MPRIP: variants seen among roughly 807,000 people sequenced by gnomAD.
The protein encoded by MPRIP is myosin phosphatase Rho-interacting protein.
Under a neutral mutation model 234.9 loss-of-function variants are expected in MPRIP, and 59 were observed. The observed-to-expected ratio is 0.25, with a 90% CI of 0.20 to 0.31. The LOEUF is 0.31. Ranked by LOEUF, MPRIP falls within the 10% of genes least tolerant of loss-of-function variation. MPRIP has a pLI of 1.00. For synonymous variants in MPRIP, 1,144 were observed against 1,263.9 expected, an observed-to-expected ratio of 0.91 and a Z score of 2.01; for missense variants, 2,436 against 3,071.0, an observed-to-expected ratio of 0.79 and a Z score of 4.89.
intron 12 of MPRIP, among the ~76,000 whole-genome samples, chr17:17,152,368 C>T (rs886630013): frequency 6.6e-6 from 1 of 152,256 alleles, no homozygotes; most frequent in African/African-American, 2.4e-5. Flanking sequence ...TGAGAACTCA[C>T]CCCGCTCTCC....
chr17:17,073,791 C>T (rs2089260499), intron 1 of MPRIP, among the ~76,000 whole-genome samples: 1 of 152,206 alleles, frequency 6.6e-6, no homozygotes. Context: ...TCGTAGAGAG[C>T]ACAGACCTCT....
chr17:17,084,649 C>G (rs1288722611), intron 3 of MPRIP, among the ~76,000 whole-genome samples: 1 of 152,226 alleles, frequency 6.6e-6, no homozygotes, highest in African/African-American at 2.4e-5. Flanking sequence ...CCACCAGCAC[C>G]TGCTGCCTCG....
intron 1 of MPRIP, chr17:17,057,619 C>G: frequency 1.4e-6 from 1 of 718,098 alleles, no homozygotes. Context: ...AGTTTTCAAC[C>G]TTTATTTCTT....
At chr17:17,055,219 G>A (rs2088657596) in intron 1 of MPRIP, among the ~76,000 whole-genome samples, 1 of 152,128 alleles carries the variant, frequency 6.6e-6, no homozygotes, top group Non-Finnish European at 1.5e-5. Flanking sequence ...GAATTTCTTT[G>A]ATGGGTGTAT....
At chr17:17,061,125 C>G (rs1189545118) in intron 1 of MPRIP, among the ~76,000 whole-genome samples, 3 of 152,212 alleles carry the variant, frequency 2.0e-5, no homozygotes, top group Non-Finnish European at 4.4e-5. Context: ...TCCCCAAGTG[C>G]TGAGATTCAG....
Position 17,167,743 on chromosome 17 carries a change from C to T in MPRIP, c.6152C>T (p.Pro2051Leu). 1 of 1,304,238 alleles carries T rather than the reference C, an allele frequency of 7.7e-7. No individual in the cohort carries two copies. The highest frequency in any genetic ancestry group is 2.2e-4 in the Middle Eastern group (1 of 4,648). The allele number at this position is 1,304,238 out of a possible 1,614,324, so 80.8% of individuals were successfully genotyped here. Residue 2051 changes from proline to leucine, a missense_variant, in exon 16 of 24, where the codon CCC becomes CTC. Pro to Leu is a moderately conservative substitution (Grantham distance 98). This residue lies in a region of MPRIP where 1,998 missense variants were observed against 2,520.3 expected (regional missense o/e 0.79). Coordinates refer to ENST00000651222, the MANE Select transcript of MPRIP (RefSeq NM_001364716.4). This position sits in a 1 kb window ranked among gnomAD's most constrained non-coding sequence, Gnocchi z 5.9. ...CCCAAGGCCCTGCCAGCCCCTGCCC[C>T]CAACTGGCAGGCCACCCAGGGAGAG... Reference protein sequence around the residue: ...PHPKALPAPAPNWQATQGEAD... With the variant: ...PHPKALPAPALNWQATQGEAD...
intron 3 of MPRIP, among the ~76,000 whole-genome samples, chr17:17,117,527 C>G (rs1024444442): frequency 1.3e-5 from 2 of 152,236 alleles, no homozygotes; most frequent in Non-Finnish European, 2.9e-5. Flanking sequence ...CATGTTGGAG[C>G]ATGTGTCAGG....
chr17:17,167,420 C>T lies in MPRIP; in HGVS notation c.5829C>T (p.Thr1943=). 2 of 1,304,196 alleles carry T rather than the reference C, an allele frequency of 1.5e-6. No individual in the cohort carries two copies. Among genetic ancestry groups the T allele is most frequent in the Non-Finnish European group, 2.0e-6 (2 of 988,950 alleles). The allele number at this position is 1,304,196 out of a possible 1,614,324, so 80.8% of individuals were successfully genotyped here. ...GCAAGCACAGCATGAGCATGTTCAC[C>T]CTGCGGGGCAGGTATGAGGAGGAGA... ...AESKHSMSMF[T]LRGRYEEEIR... The change falls in exon 16 of 24, where the codon ACC becomes ACT. Residue 1943 remains threonine, a synonymous_variant. Transcript: ENST00000651222. The surrounding 1 kb of genome is among the most constrained non-coding windows in gnomAD (Gnocchi z 5.9).
rs188803183 is a variant in MPRIP at position 17,103,552 on chromosome 17, T to C, written c.268-23150T>C. 1.4e-4 allele frequency among the ~76,000 whole-genome samples: 21 copies of C among 152,342 alleles called. No homozygotes were observed. In the East Asian group the frequency reaches 4.0e-3, roughly 29 times the overall value. On this transcript the variant is annotated intron_variant, in intron 3 of 23. Transcript: ENST00000651222. ...GCCCTGACCAAAGCAGATTTGTTTT[T>C]GCAGGAGACGGAGGCTTTTGCTGTT...
At chr17:17,118,769 G>T (rs553494282) in intron 3 of MPRIP, among the ~76,000 whole-genome samples, 3 of 152,172 alleles carry the variant, frequency 2.0e-5, no homozygotes, top group Non-Finnish European at 4.4e-5. Context: ...ATGGGATCAT[G>T]ACCCCTTTTC....
In MPRIP at chr17:17,138,602, C is replaced by T. The variant is rs965857360; in HGVS notation, c.1250+173C>T. On this transcript the variant is annotated intron_variant, in intron 7 of 23. Coordinates refer to ENST00000651222, the MANE Select transcript of MPRIP (RefSeq NM_001364716.4). This position sits in a 1 kb window ranked among gnomAD's most constrained non-coding sequence, Gnocchi z 5.8. ...TTTTCCCTCTGGGCCCAGAACTCAG[C>T]TCTAGTAGCCAGAATGCAGAATTTC... Among the ~76,000 whole-genome samples the T allele has an allele frequency of 1.4e-4, 22 of 152,238 alleles. No homozygotes were observed. Among genetic ancestry groups the T allele is most frequent in the Admixed American group, 2.6e-4 (4 of 15,286 alleles).
chr17:17,080,285 C>T (rs1228928588), intron 3 of MPRIP, among the ~76,000 whole-genome samples: 1 of 152,178 alleles, frequency 6.6e-6, no homozygotes, highest in African/African-American at 2.4e-5. Context: ...TCTCTAGCAC[C>T]CAGTGCTCTG....
intron 3 of MPRIP, among the ~76,000 whole-genome samples, chr17:17,094,965 T>C (rs1377492581): frequency 1.3e-5 from 2 of 152,252 alleles, no homozygotes; most frequent in East Asian, 3.9e-4. Context: ...ACTCCTGTTA[T>C]TTGGCTATTA....
intron 4 of MPRIP, among the ~76,000 whole-genome samples, chr17:17,130,338 C>A (rs1268336142): frequency 6.6e-6 from 1 of 151,798 alleles, no homozygotes; most frequent in Non-Finnish European, 1.5e-5. Flanking sequence ...GTCCCTCCTT[C>A]CCTCCTTTCT....
chr17:17,167,319 G>A lies in MPRIP; in HGVS notation c.5728G>A (p.Glu1910Lys). 7.7e-7 allele frequency: 1 copy of A among 1,304,076 alleles called. No individual in the cohort carries two copies. 80.8% of individuals were successfully genotyped at this position (1,304,076 alleles called of 1,614,324 possible). ...GTACCTGGATGTGATCGCCATTGTT[G>A]AAAGGGAGAATGCAGAGCTCAAGGC... ...SEYLDVIAIV[E>K]RENAELKAKA... is the part of the protein sequence containing the mutation. Residue 1910 changes from glutamate (E) to lysine (K), a missense_variant, in exon 16 of 24, where the codon GAA becomes AAA. This residue lies in a region of MPRIP where 1,998 missense variants were observed against 2,520.3 expected (regional missense o/e 0.79). Coordinates refer to ENST00000651222, the MANE Select transcript of MPRIP (RefSeq NM_001364716.4). This position sits in a 1 kb window ranked among gnomAD's most constrained non-coding sequence, Gnocchi z 5.9.
intron 4 of MPRIP, among the ~76,000 whole-genome samples, chr17:17,129,247 G>A (rs73279617): frequency 0.067 from 10,253 of 152,120 alleles, 400 homozygotes; most frequent in African/African-American, 0.1. Flanking sequence ...GCTGGGTGAA[G>A]TCTGGACTTC....
At position 17,166,555 on chromosome 17, in the gene MPRIP, C is replaced by T. The variant is rs910173021; in HGVS notation, c.4964C>T (p.Pro1655Leu). 3 of 1,304,140 alleles carry T rather than the reference C, an allele frequency of 2.3e-6. No individual in the cohort carries two copies. The African/African-American group carries it at 4.6e-5, about 20-fold the overall frequency. The allele number at this position is 1,304,140 out of a possible 1,614,324, so 80.8% of individuals were successfully genotyped here. Residue 1655 changes from proline (P) to leucine (L), a missense_variant, in exon 16 of 24, where the codon CCA (proline) becomes CTA (leucine). Pro to Leu is a moderately conservative substitution (Grantham distance 98, BLOSUM62 -3). Transcript: ENST00000651222. The surrounding 1 kb of genome is among the most constrained non-coding windows in gnomAD (Gnocchi z 4.4). The stretch of plus-strand genomic sequence containing the variant: ...TCAGGAGACGGGCAGCAAAGCATCC[C>T]ACAGGGCCTGGCCCCCATCCTGGCC... ...GASGDGQQSI[P>L]QGLAPILANA...
At chr17:17,113,882 TTTC>T (rs921944821) in intron 3 of MPRIP, among the ~76,000 whole-genome samples, 12 of 140,434 alleles carry the variant, frequency 8.5e-5, no homozygotes, top group African/African-American at 2.4e-4. Flanking sequence ...TTTCTTTTCT[TTTC>T]TTTTTTTTTT....
At chr17:17,067,519 T>G (rs1483268061) in intron 1 of MPRIP, among the ~76,000 whole-genome samples, 2 of 152,214 alleles carry the variant, frequency 1.3e-5, no homozygotes, top group Non-Finnish European at 2.9e-5. Flanking sequence ...CTACTCAGAA[T>G]GGCATGCAGT....
Sources: allele counts gnomAD v4.1 joint callset (sites outside exome capture counted in the v4.1 genomes callset), GRCh38; gene constraint gnomAD v4.1.1; regional missense constraint gnomAD v4.1.1; non-coding constraint Gnocchi (gnomAD v3.1); transcripts MANE v1.5; gene names NCBI Gene and HGNC (gene_info 2026-07-23, HGNC 2026-07-21).